Variants in IARS1 observed in about 807,000 individuals in gnomAD.
The protein encoded by IARS1 is isoleucyl-tRNA synthetase 1.
In IARS1, 124 loss-of-function variants were observed where a neutral mutation model predicts 168.2. The observed-to-expected ratio is 0.74, with a 90% confidence interval of 0.64 to 0.86. The LOEUF (loss-of-function observed/expected upper bound fraction) is 0.86, where lower values mean the gene tolerates loss of function less well. IARS1 is among the 40% of genes least tolerant of loss of function. The probability of loss-of-function intolerance (pLI) is 0.00; values close to 1 mark genes in which losing one functional copy is unlikely to be tolerated. For synonymous variants in IARS1, 532 were observed against 529.4 expected, an observed-to-expected ratio of 1.00 and a Z score of -0.07; for missense variants, 1,452 against 1,515.8, an observed-to-expected ratio of 0.96 and a Z score of 0.70.
rs978095480 is a variant in IARS1 at position 92,247,230 on chromosome 9, TAAGGA to T, written c.2791+142_2791+146del. ...AGAGAAGAGAGAAAAGAGAAGAGAG[TAAGGA>T]AAGGAAAGGAAAGGACAGGACACGA... On this transcript the variant is annotated intron_variant, in intron 26 of 33. Transcript: ENST00000443024. 2.9e-4 allele frequency: 172 copies of T among 586,244 alleles called. No homozygotes were observed. In the East Asian group the frequency reaches 4.1e-3, roughly 14 times the overall value. 36.3% of individuals were successfully genotyped at this position (586,244 alleles called of 1,614,324 possible). A position where few individuals can be genotyped will look rare whatever the true frequency, so the allele number is the denominator to read the frequency against.
At position 92,223,620 on chromosome 9, in the gene IARS1, A is replaced by T. The variant is rs192661813; in HGVS notation, c.3410-131T>A. 2.2e-4 allele frequency: 160 copies of T among 725,466 alleles called. 1 individual carries two copies. The African/African-American group carries it at 2.4e-3, about 11-fold the overall frequency. The allele number at this position is 725,466 out of a possible 1,614,324, so 44.9% of individuals were successfully genotyped here. Reference sequence around the variant, plus strand: ...TTCCACTTAATTTCTGTTTATCAAGAGACATTGCCTTTTCTATAAAACCAG... The same window carrying T: ...TTCCACTTAATTTCTGTTTATCAAGTGACATTGCCTTTTCTATAAAACCAG... On this transcript the variant is annotated intron_variant, in intron 31 of 33. Transcript: ENST00000443024.
intron 28 of IARS1, chr9:92,242,995 G>A (rs72750433): frequency 0.036 from 16,202 of 444,760 alleles, 415 homozygotes; most frequent in South Asian, 0.068. Context: ...AAAAGGATGG[G>A]AAAAGGCACA....
In IARS1 at chr9:92,245,172, C is replaced by T. The variant is rs1316675672; in HGVS notation, c.2792-101G>A. 11 of 916,188 alleles carry T rather than the reference C, an allele frequency of 1.2e-5. No homozygotes were observed. The East Asian group carries it at 2.5e-4, about 21-fold the overall frequency. 56.8% of individuals were successfully genotyped at this position (916,188 alleles called of 1,614,324 possible). ...CTTCTTGATTAAAATTTCACAATAA[C>T]AAAGCCACAGAGGCTTCAAGAGATC... On this transcript the variant is annotated intron_variant, in intron 26 of 33. Transcript: ENST00000443024.
chr9:92,249,890 C>CT lies in IARS1; in HGVS notation c.2583dup (p.Asp862ArgfsTer11). 1 of 1,605,898 alleles carries CT rather than the reference C, an allele frequency of 6.2e-7. No individual in the cohort carries two copies. The highest frequency in any genetic ancestry group is 8.5e-7 in the Non-Finnish European group (1 of 1,172,946). On this transcript the variant is annotated frameshift_variant, in exon 25 of 34. Transcript: ENST00000443024. LOFTEE classifies it high-confidence loss of function. ...ATATACTTCTCCAAAGACTTGATAT[C>CT]TTTAAGAGCTTCTGGATCTTGATGG...
intron 31 of IARS1, among the ~76,000 whole-genome samples, chr9:92,227,991 G>A (rs1826029181): frequency 6.6e-6 from 1 of 152,030 alleles, no homozygotes; most frequent in Non-Finnish European, 1.5e-5. Flanking sequence ...AGGCGGCTGG[G>A]AGATGGAGGT....
intron 19 of IARS1, among the ~76,000 whole-genome samples, chr9:92,258,432 A>G (rs920429557): frequency 6.6e-5 from 10 of 152,166 alleles, no homozygotes; most frequent in African/African-American, 1.2e-4. Context: ...AGTCTCCACT[A>G]AAAATATAAA....
chr9:92,268,444 T>C, intron 13 of IARS1, 144 bp from the exon 14 acceptor site: 1 of 769,522 alleles, frequency 1.3e-6, no homozygotes, highest in Admixed American at 2.9e-5. Flanking sequence ...GAATGTCTTC[T>C]AAATGGACAG....
At position 92,247,372 on chromosome 9, in the gene IARS1, C is replaced by T. The variant is rs1829364719; in HGVS notation, c.2791+5G>A. 1 of 1,612,958 alleles carries T rather than the reference C, an allele frequency of 6.2e-7. No individual in the cohort carries two copies. Among genetic ancestry groups the T allele is most frequent in the Non-Finnish European group, 8.5e-7 (1 of 1,179,474 alleles). ...AATGGTGCCCTTGTCTGTGTAGACACCTACCAGTCTTCTGGAACTGCTCCA... is the reference window on the plus strand; with the variant it reads ...AATGGTGCCCTTGTCTGTGTAGACATCTACCAGTCTTCTGGAACTGCTCCA... On this transcript the variant is annotated splice_donor_5th_base_variant and intron_variant, in intron 26 of 33. Coordinates refer to ENST00000443024, the MANE Select transcript of IARS1 (RefSeq NM_002161.6).
At chr9:92,236,792 T>C (rs1827606344) in intron 30 of IARS1, among the ~76,000 whole-genome samples, 1 of 152,210 alleles carries the variant, frequency 6.6e-6, no homozygotes, top group Non-Finnish European at 1.5e-5. Context: ...GAGGTTGCAG[T>C]GAGCTGAGTT....
At chr9:92,247,773 T>C (rs1829440471) in intron 25 of IARS1, among the ~76,000 whole-genome samples, 1 of 152,216 alleles carries the variant, frequency 6.6e-6, no homozygotes. Context: ...CATAAATTAA[T>C]GTGAAACATT....
At chr9:92,230,025 A>G (rs920009228) in intron 30 of IARS1, among the ~76,000 whole-genome samples, 2 of 152,026 alleles carry the variant, frequency 1.3e-5, no homozygotes, top group Non-Finnish European at 2.9e-5. Context: ...CATTTCTATA[A>G]TCTTATCATT....
At chr9:92,251,277 C>A in intron 22 of IARS1, 1 of 402,130 alleles carries the variant, frequency 2.5e-6, no homozygotes. Context: ...TAAATAGGAG[C>A]CTTATAACAT....
At position 92,289,444 on chromosome 9, in the gene IARS1, T is replaced by C; in HGVS notation, c.-7-18A>G. The C allele has an allele frequency of 9.9e-7, 1 of 1,013,910 alleles. No homozygotes were observed. 62.8% of individuals were successfully genotyped at this position (1,013,910 alleles called of 1,614,324 possible). A position where few individuals can be genotyped will look rare whatever the true frequency, so the allele number is the denominator to read the frequency against. On this transcript the variant is annotated intron_variant, in intron 1 of 33. Transcript: ENST00000443024. ...TTTTGTTGCTGCAAAAGAAATCAAA[T>C]TTATTACTGTCAAAAGAGAAATCTA... is the stretch of plus-strand genomic sequence containing the variant.
intron 7 of IARS1, among the ~76,000 whole-genome samples, chr9:92,280,103 G>A (rs1389504580): frequency 2.0e-5 from 3 of 152,078 alleles, no homozygotes; most frequent in Admixed American, 6.6e-5. Flanking sequence ...CTATGAACAC[G>A]GGTGTACAAG....
intron 9 of IARS1, among the ~76,000 whole-genome samples, chr9:92,277,351 G>A (rs566567166): frequency 9.9e-5 from 15 of 152,176 alleles, no homozygotes; most frequent in Non-Finnish European, 2.1e-4. Flanking sequence ...CTTGAACCTG[G>A]GGGGCAGAGG....
chr9:92,269,729 A>T (rs981645225), intron 13 of IARS1, among the ~76,000 whole-genome samples, 156 bp downstream of exon 13: 1 of 152,218 alleles, frequency 6.6e-6, no homozygotes, highest in African/African-American at 2.4e-5. Context: ...ACATTATTTG[A>T]ATTATTTTGT....
chr9:92,269,054 C>T (rs73516569), intron 13 of IARS1, among the ~76,000 whole-genome samples: 12 of 152,108 alleles, frequency 7.9e-5, no homozygotes, highest in African/African-American at 2.7e-4. Flanking sequence ...CCCCTCGAGG[C>T]TATCTTACTA....
chr9:92,247,030 C>T (rs56374228), intron 26 of IARS1, among the ~76,000 whole-genome samples: 17,059 of 151,934 alleles, frequency 0.11, 1,099 homozygotes, highest in South Asian at 0.21. Context: ...CCTGTTTCTA[C>T]CAAAAATACA....
intron 28 of IARS1, chr9:92,242,746 T>C (rs529275561): frequency 2.0e-5 from 4 of 204,228 alleles, no homozygotes; most frequent in East Asian, 2.5e-4. Context: ...AAATTCCTGA[T>C]TCTCTCACTA....
Sources: allele counts gnomAD v4.1 joint callset (sites outside exome capture counted in the v4.1 genomes callset), GRCh38; gene constraint gnomAD v4.1.1; transcripts MANE v1.5; gene names NCBI Gene and HGNC (gene_info 2026-07-23, HGNC 2026-07-21).